Variants in SCNN1B observed in about 807,000 individuals in gnomAD.
SCNN1B encodes sodium channel epithelial 1 subunit beta, also known as epithelial sodium channel subunit beta.
In SCNN1B, 46 loss-of-function variants were observed where a neutral mutation model predicts 65.3. The ratio of observed to expected loss-of-function variants is 0.70; its 90% CI spans 0.56 to 0.90. The LOEUF (loss-of-function observed/expected upper bound fraction) is 0.90. SCNN1B is among the 40% of genes least tolerant of loss of function. SCNN1B has a pLI of 0.00. For synonymous variants in SCNN1B, 349 were observed against 330.6 expected (o/e 1.06, Z -0.60); for missense variants, 751 against 830.5 (o/e 0.90, Z 1.18).
chr16:23,289,496 A>T (rs1360401239), intron 2 of SCNN1B, among the ~76,000 whole-genome samples: 1 of 151,896 alleles, frequency 6.6e-6, no homozygotes, highest in Non-Finnish European at 1.5e-5. Context: ...GGCTGCACTG[A>T]GCTGTGGTCA....
intron 2 of SCNN1B, among the ~76,000 whole-genome samples, chr16:23,352,413 G>A (rs1205232895): frequency 2.0e-5 from 3 of 152,210 alleles, no homozygotes; most frequent in Non-Finnish European, 4.4e-5. Context: ...CATGTGTCGA[G>A]GGAGGGACCT....
intron 1 of SCNN1B, among the ~76,000 whole-genome samples, chr16:23,314,003 T>C (rs115248838): frequency 0.038 from 5,825 of 152,088 alleles, 373 homozygotes; most frequent in African/African-American, 0.13. Context: ...AGTTTTTTAA[T>C]TATTAATATT....
At chr16:23,376,122 G>A (rs1306965621) in intron 8 of SCNN1B, among the ~76,000 whole-genome samples, 1 of 152,250 alleles carries the variant, frequency 6.6e-6, no homozygotes, top group Admixed American at 6.5e-5. Flanking sequence ...GCCTGTGTCT[G>A]TGTGCCACAC....
At chr16:23,342,203 A>T (rs1325217346) in intron 1 of SCNN1B, among the ~76,000 whole-genome samples, 1 of 152,232 alleles carries the variant, frequency 6.6e-6, no homozygotes, top group Non-Finnish European at 1.5e-5. Context: ...TTTAAAACAC[A>T]CTAAGTGAAA....
chr16:23,361,390 C>A (rs1486333173), intron 4 of SCNN1B, among the ~76,000 whole-genome samples: 1 of 152,152 alleles, frequency 6.6e-6, no homozygotes, highest in Non-Finnish European at 1.5e-5. Flanking sequence ...AAAGGAGTCA[C>A]TAAATTCAGA....
intron 2 of SCNN1B, among the ~76,000 whole-genome samples, chr16:23,291,417 C>T (rs373422341): frequency 9.9e-5 from 15 of 151,456 alleles, no homozygotes; most frequent in African/African-American, 3.2e-4. Flanking sequence ...TGATATGTAT[C>T]CTACTGTAAT....
chr16:23,342,313 T>C (rs547600382), intron 1 of SCNN1B, among the ~76,000 whole-genome samples: 79 of 152,344 alleles, frequency 5.2e-4, no homozygotes, highest in African/African-American at 1.9e-3. Flanking sequence ...CGTGGCACAA[T>C]CTCTGCTCAC....
chr16:23,328,250 A>T (rs1216207306), intron 1 of SCNN1B, among the ~76,000 whole-genome samples: 2 of 152,218 alleles, frequency 1.3e-5, no homozygotes, highest in African/African-American at 2.4e-5. Flanking sequence ...GTTGAGGGGT[A>T]TTAGAAAACA....
chr16:23,345,009 A>G (rs1027783406), intron 1 of SCNN1B, among the ~76,000 whole-genome samples: 21 of 148,810 alleles, frequency 1.4e-4, no homozygotes, highest in Admixed American at 6.7e-5. Context: ...AGGAGAGAGA[A>G]AGAGAGAGAG....
chr16:23,278,237 G>C (rs1960733122), exon 1 of SCNN1B: 1 of 152,132 alleles, frequency 6.6e-6, no homozygotes, highest in Non-Finnish European at 1.5e-5. Context: ...TGCTGATACA[G>C]GCTAAAACAT....
chr16:23,278,573 AG>A (rs1413842109), intron 1 of SCNN1B, among the ~76,000 whole-genome samples: 1 of 151,930 alleles, frequency 6.6e-6, no homozygotes, highest in Non-Finnish European at 1.5e-5. Flanking sequence ...GGGAGACGGG[AG>A]GGGGGTAACT....
upstream of SCNN1B, among the ~76,000 whole-genome samples, chr16:23,297,884 G>A (rs922941169): frequency 6.6e-6 from 1 of 152,142 alleles, no homozygotes; most frequent in Admixed American, 6.5e-5. Context: ...ACCTGAAGTA[G>A]AATGAATGGA....
At chr16:23,352,689 G>A (rs887791795) in intron 2 of SCNN1B, 112 bp from the exon 3 acceptor site, 5 of 1,148,378 alleles carry the variant, frequency 4.4e-6, no homozygotes, top group Non-Finnish European at 6.5e-6. Flanking sequence ...GTCTCAGGTA[G>A]TATCTTTATA....
Position 23,380,018 on chromosome 16 carries a change from CTATG to C in SCNN1B, c.1467-74_1467-71del, listed in dbSNP as rs1300568690. 9.3e-7 allele frequency: 1 copy of C among 1,076,638 alleles called. No individual in the cohort carries two copies. Among genetic ancestry groups the C allele is most frequent in the Non-Finnish European group, 1.4e-6 (1 of 690,042 alleles). The allele number at this position is 1,076,638 out of a possible 1,614,324, so 66.7% of individuals were successfully genotyped here. A position where few individuals can be genotyped will look rare whatever the true frequency, so the allele number is the denominator to read the frequency against. ...TGCACGTGCATGTGTGTGCATGTGT[CTATG>C]TGCGTGTGTGTGTGTCTGTCTGTTT... On this transcript the variant is annotated intron_variant, in intron 11 of 12. Coordinates refer to ENST00000343070, the MANE Select transcript of SCNN1B (RefSeq NM_000336.3). The surrounding 1 kb of genome is among the most constrained non-coding windows in gnomAD (Gnocchi z 5.4).
At chr16:23,304,462 C>A (rs1207666981) in intron 1 of SCNN1B, among the ~76,000 whole-genome samples, 5 of 152,354 alleles carry the variant, frequency 3.3e-5, no homozygotes, top group African/African-American at 1.2e-4. Flanking sequence ...AAGGCTGAGA[C>A]TCAGCCAGGC....
chr16:23,307,571 C>T (rs1047861918), intron 1 of SCNN1B, among the ~76,000 whole-genome samples: 6 of 152,180 alleles, frequency 3.9e-5, no homozygotes, highest in East Asian at 1.9e-4. Context: ...CTGCCCACCT[C>T]GGACTCCCAA....
upstream of SCNN1B, among the ~76,000 whole-genome samples, chr16:23,300,993 C>CGTGTGTGT (rs60930177): frequency 0.042 from 6,229 of 148,418 alleles, 138 homozygotes; most frequent in African/African-American, 0.053. Flanking sequence ...GTTAAAAACA[C>CGTGTGTGT]GTGTGTGTGT....
chr16:23,289,142 GC>G (rs2141969659), intron 2 of SCNN1B, among the ~76,000 whole-genome samples: 1 of 152,298 alleles, frequency 6.6e-6, no homozygotes, highest in African/African-American at 2.4e-5. Flanking sequence ...ATCACTGGGG[GC>G]ACCTTAGAGC....
intron 2 of SCNN1B, among the ~76,000 whole-genome samples, chr16:23,287,011 T>TC (rs1960860224): frequency 6.6e-6 from 1 of 151,324 alleles, no homozygotes; most frequent in Non-Finnish European, 1.5e-5. Flanking sequence ...TGGGTTGTTT[T>TC]TTTTTTTTTT....
Sources: allele counts gnomAD v4.1 joint callset (sites outside exome capture counted in the v4.1 genomes callset), GRCh38; gene constraint gnomAD v4.1.1; non-coding constraint Gnocchi (gnomAD v3.1); transcripts MANE v1.5; gene names NCBI Gene and HGNC (gene_info 2026-07-23, HGNC 2026-07-21).